RTN4: variants seen among roughly 807,000 people sequenced by gnomAD.
RTN4 encodes reticulon 4, also known as reticulon-4.
In RTN4, 32 loss-of-function variants were observed where a neutral mutation model predicts 90.4. That is an observed-to-expected ratio of 0.35 (90% CI 0.27 to 0.48). The LOEUF (loss-of-function observed/expected upper bound fraction) is 0.48, where lower values mean the gene tolerates loss of function less well. Among genes scored for constraint, RTN4 ranks in the 20% least tolerant of loss-of-function variants. The probability of loss-of-function intolerance (pLI) is 0.99; values close to 1 mark genes in which losing one functional copy is unlikely to be tolerated. For missense variants in RTN4, 1,706 were observed against 1,430.2 expected (o/e 1.19, Z -3.11); for synonymous variants, 629 against 552.5 (o/e 1.14, Z -1.94).
At chr2:55,061,252 CG>C (rs1668286625) in intron 2 of RTN4, among the ~76,000 whole-genome samples, 1 of 151,890 alleles carries the variant, frequency 6.6e-6, no homozygotes, top group African/African-American at 2.4e-5. Flanking sequence ...TTAGTAGGGA[CG>C]GGGTTTCACC....
Position 55,025,908 on chromosome 2 carries a change from G to T in RTN4, c.2191C>A (p.His731Asn). The change falls in exon 3 of 9, where the codon CAT becomes AAT. Residue 731 changes from histidine to asparagine, a missense_variant. Coordinates refer to ENST00000337526, the MANE Select transcript of RTN4 (RefSeq NM_020532.5). The part of the protein sequence containing the change: ...MAKVEQPVPD[H>N]SELVEDSSPD... ...GAGGAATCTTCAACTAGCTCAGAAT[G>T]ATCAGGCACTGGCTGTTCAACTTTT... The T allele has an allele frequency of 6.2e-7, 1 of 1,613,666 alleles. No individual in the cohort carries two copies.
In RTN4 at chr2:55,086,827, TTA is replaced by T. The variant is rs768461257; in HGVS notation, c.-213-6190_-213-6189del. Among the ~76,000 whole-genome samples the T allele has an allele frequency of 1.0e-4, 15 of 148,688 alleles. 2 individuals are homozygous for T. Among genetic ancestry groups the T allele is most frequent in the African/African-American group, 2.0e-4 (8 of 39,258 alleles). ...TTTTGCCTTTGTTTTCAACTTTAAT[TTA>T]TTTTTTTTTTTTTGTAGACGATTTC... On this transcript the variant is annotated intron_variant, in intron 1 of 3. Coordinates refer to the RTN4 transcript ENST00000427710.
chr2:55,018,579 T>C (rs1482488264), intron 3 of RTN4, among the ~76,000 whole-genome samples: 1 of 152,084 alleles, frequency 6.6e-6, no homozygotes, highest in Non-Finnish European at 1.5e-5. Context: ...AAAACTCTTA[T>C]AGGTGTATTA....
chr2:54,989,067 A>G (rs1002870869), intron 3 of RTN4, among the ~76,000 whole-genome samples: 2 of 152,218 alleles, frequency 1.3e-5, no homozygotes, highest in African/African-American at 4.8e-5. Context: ...TTGATCCCCA[A>G]GGTCCCCTAA....
chr2:55,087,320 G>T (rs1016329227), intron 1 of RTN4, among the ~76,000 whole-genome samples: 3 of 152,150 alleles, frequency 2.0e-5, no homozygotes, highest in Non-Finnish European at 2.9e-5. Context: ...GTGCTAATTT[G>T]TACAACCACT....
At chr2:55,092,104 T>G (rs1668949253) in intron 1 of RTN4, among the ~76,000 whole-genome samples, 1 of 151,926 alleles carries the variant, frequency 6.6e-6, no homozygotes, top group African/African-American at 2.4e-5. Flanking sequence ...GTGGGAAGAT[T>G]GCTTGAGTCC....
Position 55,026,351 on chromosome 2 carries a change from G to C in RTN4, c.1748C>G (p.Ser583Ter). ...ATAGAGTGACTCTTGCATAACTTCT[G>C]ATGTTTGAACCAAGTCCATTTTTGT... The part of the protein sequence containing the change: ...YETKMDLVQT[S>*]EVMQESLYPA... The change falls in exon 3 of 9, where the codon TCA becomes TGA. Residue 583 changes from serine (S) to a stop codon, truncating the protein, a stop_gained. Coordinates refer to ENST00000337526, the MANE Select transcript of RTN4 (RefSeq NM_020532.5). LOFTEE classifies it high-confidence loss of function. The C allele has an allele frequency of 1.2e-6, 2 of 1,613,918 alleles. No homozygotes were observed. The highest frequency in any genetic ancestry group is 1.7e-6 in the Non-Finnish European group (2 of 1,179,892).
chr2:54,986,104 A>G (rs1185079433), intron 4 of RTN4, among the ~76,000 whole-genome samples: 1 of 152,206 alleles, frequency 6.6e-6, no homozygotes, highest in Non-Finnish European at 1.5e-5. Flanking sequence ...CAGCATGAAC[A>G]TGGGTACAAA....
rs1425028649 is a variant in RTN4 at position 55,035,488 on chromosome 2, TG to T, written c.557-7269del. Among the ~76,000 whole-genome samples the T allele has an allele frequency of 3.3e-5, 5 of 152,182 alleles. No individual in the cohort carries two copies. In the East Asian group the frequency reaches 9.6e-4, roughly 29 times the overall value. On this transcript the variant is annotated intron_variant, in intron 1 of 8. Transcript: ENST00000337526. ...CAGCAAAGTAATGCTTAGAGAGAAA[TG>T]TATAGCTTTTAAATGCTTTTAGAAA...
rs1681803593 is a variant in RTN4 at position 55,025,776 on chromosome 2, A to C, written c.2323T>G (p.Ser775Ala). The C allele has an allele frequency of 7.4e-6, 12 of 1,613,532 alleles. No individual in the cohort carries two copies. In the East Asian group the frequency reaches 2.7e-4, roughly 36 times the overall value. ...MLVKESLTET[S>A]FESMIEYENK... is the part of the protein sequence containing the mutation. ...TCATATTCTATCATTGACTCAAATG[A>C]AGTCTCAGTGAGACTTTCTTTCACA... The change falls in exon 3 of 9, where the codon TCA becomes GCA. Residue 775 changes from serine to alanine, a missense_variant. Physicochemically the swap from Ser to Ala is moderately conservative, Grantham distance 99. Transcript: ENST00000337526.
At chr2:55,120,016 CTG>C in the RTN4 span, among the ~76,000 whole-genome samples, 5 of 152,226 alleles carry the variant, frequency 3.3e-5, no homozygotes, top group Non-Finnish European at 7.3e-5. Flanking sequence ...TTGCAAGTGA[CTG>C]TAAAATGCAA....
upstream of RTN4, among the ~76,000 whole-genome samples, chr2:55,113,566 A>G (rs1006468772): frequency 9.9e-5 from 15 of 152,150 alleles, no homozygotes; most frequent in Non-Finnish European, 1.8e-4. Context: ...CCTTGTTTCA[A>G]TTGAACAATA....
At chr2:54,981,037 C>G (rs1372002238) in intron 5 of RTN4, among the ~76,000 whole-genome samples, 1 of 152,180 alleles carries the variant, frequency 6.6e-6, no homozygotes, top group African/African-American at 2.4e-5. Context: ...AGACTAACAT[C>G]AGATCATTTT....
At chr2:55,126,988 AAC>A in the RTN4 span, among the ~76,000 whole-genome samples, 3 of 152,194 alleles carry the variant, frequency 2.0e-5, no homozygotes, top group Admixed American at 6.5e-5. Flanking sequence ...TGAAGGAAAC[AAC>A]AGACACTGGG....
rs566796627 is a variant in RTN4 at position 55,021,332 on chromosome 2, C to A, written c.3013+3754G>T. ...CTATGTCCTCAACAGTGTGTCTGTA[C>A]CAGCTGGCTGTAAGTTGCATAAAGC... On this transcript the variant is annotated intron_variant, in intron 3 of 8. Coordinates refer to ENST00000337526, the MANE Select transcript of RTN4 (RefSeq NM_020532.5). 3.3e-4 allele frequency among the ~76,000 whole-genome samples: 50 copies of A among 152,188 alleles called. No individual in the cohort carries two copies. The South Asian group carries it at 0.01, about 31-fold the overall frequency.
chr2:55,044,370 G>A (rs1358407609), intron 1 of RTN4, among the ~76,000 whole-genome samples: 2 of 151,792 alleles, frequency 1.3e-5, no homozygotes, highest in African/African-American at 2.4e-5. Flanking sequence ...CAGCCTGAGC[G>A]ACAGAGTAAG....
chr2:55,045,388 T>TATTC (rs1558848278), intron 1 of RTN4, among the ~76,000 whole-genome samples: 1 of 152,244 alleles, frequency 6.6e-6, no homozygotes, highest in African/African-American at 2.4e-5. Flanking sequence ...TATACTCTTA[T>TATTC]ATTCCTCCCT....
chr2:55,127,188 A>T, the RTN4 span, among the ~76,000 whole-genome samples: 1 of 152,154 alleles, frequency 6.6e-6, no homozygotes, highest in Admixed American at 6.5e-5. Context: ...CCTTTAATTA[A>T]AAAAAAGAAA....
upstream of RTN4, chr2:55,050,739 G>A (rs1027070830): frequency 6.5e-6 from 1 of 153,506 alleles, no homozygotes; most frequent in African/African-American, 2.4e-5. This position sits in a 1 kb window ranked among gnomAD's most constrained non-coding sequence, Gnocchi z 4.6. Context: ...CGTTCAATGG[G>A]CGGGGCTGAG....
Sources: gnomAD v4.1 joint callset for allele counts (sites outside exome capture counted in the v4.1 genomes callset) on GRCh38, gnomAD v4.1.1 for gene constraint, Gnocchi (gnomAD v3.1) non-coding constraint, MANE v1.5 for transcripts, NCBI Gene and HGNC (gene_info 2026-07-23, HGNC 2026-07-21) for gene names.